The following ESRRG variants were observed in gnomAD, a reference collection of about 807,000 sequenced individuals.
The protein encoded by ESRRG is estrogen-related receptor gamma.
A neutral mutation model predicts 44.0 loss-of-function variants in ESRRG; 13 were observed. That is an observed-to-expected ratio of 0.30 (90% CI 0.19 to 0.47). The LOEUF (loss-of-function observed/expected upper bound fraction) is 0.47, where lower values mean the gene tolerates loss of function less well. Ranked by LOEUF, ESRRG falls within the 20% of genes least tolerant of loss-of-function variation. ESRRG has a pLI of 1.00. For missense variants in ESRRG, 395 were observed against 580.6 expected, an observed-to-expected ratio of 0.68 and a Z score of 3.29; for synonymous variants, 215 against 214.6, an observed-to-expected ratio of 1.00 and a Z score of -0.02.
intron 4 of ESRRG, among the ~76,000 whole-genome samples, chr1:216,567,474 G>T (rs1262223852): frequency 6.6e-6 from 1 of 152,102 alleles, no homozygotes; most frequent in Non-Finnish European, 1.5e-5. Flanking sequence ...GCCCATTCTT[G>T]TTTTAATCTA....
At chr1:217,036,057 G>C (rs2082834678) in intron 1 of ESRRG, among the ~76,000 whole-genome samples, 3 of 152,132 alleles carry the variant, frequency 2.0e-5, no homozygotes, top group African/African-American at 7.2e-5. Context: ...ATCATAGGAA[G>C]AAAAGCTCAA....
At chr1:217,052,609 T>G (rs939287381) in intron 1 of ESRRG, among the ~76,000 whole-genome samples, 11 of 152,300 alleles carry the variant, frequency 7.2e-5, no homozygotes, top group African/African-American at 2.6e-4. Context: ...CAAGAGTTCT[T>G]CAAAAGAACC....
intron 2 of ESRRG, among the ~76,000 whole-genome samples, chr1:216,759,855 G>A (rs2092673566): frequency 6.6e-6 from 1 of 152,086 alleles, no homozygotes; most frequent in African/African-American, 2.4e-5. Flanking sequence ...AAGGGATGAG[G>A]GGACAAGCAC....
chr1:216,903,140 T>C (rs1485873493), intron 2 of ESRRG, among the ~76,000 whole-genome samples: 2 of 152,206 alleles, frequency 1.3e-5, no homozygotes, highest in Non-Finnish European at 2.9e-5. Context: ...TGGAATCGTG[T>C]ACACTGTTAT....
At chr1:216,605,590 G>C (rs1409954786) in intron 3 of ESRRG, among the ~76,000 whole-genome samples, 1 of 152,114 alleles carries the variant, frequency 6.6e-6, no homozygotes, top group African/African-American at 2.4e-5. Context: ...GTCACCAATA[G>C]TAAGATGATT....
At chr1:217,059,476 A>G (rs1347337073) in intron 1 of ESRRG, among the ~76,000 whole-genome samples, 1 of 152,106 alleles carries the variant, frequency 6.6e-6, no homozygotes, top group African/African-American at 2.4e-5. Flanking sequence ...GAAACTGCTG[A>G]TTTCAGGTCT....
Position 216,671,610 on chromosome 1 carries a change from G to A in ESRRG, c.472+5466C>T, listed in dbSNP as rs570971589. Reference sequence around the variant, plus strand: ...TAACCCTCATCACTTGGGAAACAGAGGAAAAGAGGGGTTAAGGTCTCACAG... The same window carrying A: ...TAACCCTCATCACTTGGGAAACAGAAGAAAAGAGGGGTTAAGGTCTCACAG... On this transcript the variant is annotated intron_variant, in intron 2 of 6. Transcript: ENST00000408911. Among the ~76,000 whole-genome samples, 5 of 152,290 alleles carry A rather than the reference G, an allele frequency of 3.3e-5. No individual in the cohort carries two copies. The South Asian group carries it at 1.0e-3, about 32-fold the overall frequency.
chr1:216,619,933 C>T (rs1231973961), intron 3 of ESRRG, among the ~76,000 whole-genome samples: 2 of 152,106 alleles, frequency 1.3e-5, no homozygotes, highest in Admixed American at 1.3e-4. Flanking sequence ...AAGTAGGCAA[C>T]ACCGAGTCAA....
intron 1 of ESRRG, among the ~76,000 whole-genome samples, chr1:216,981,544 C>T (rs1369878384): frequency 6.6e-6 from 1 of 152,102 alleles, no homozygotes; most frequent in Non-Finnish European, 1.5e-5. Flanking sequence ...TAAATGTTAA[C>T]TTTTATTATT....
At chr1:216,974,121 A>G (rs1380557070) in intron 1 of ESRRG, among the ~76,000 whole-genome samples, 1 of 152,200 alleles carries the variant, frequency 6.6e-6, no homozygotes, top group Non-Finnish European at 1.5e-5. Context: ...TTTAAAGAAC[A>G]TAAGTAGGTA....
chr1:216,735,089 A>C lies in ESRRG; in HGVS notation c.-13-57598T>G, dbSNP rs182876030. On this transcript the variant is annotated intron_variant, in intron 2 of 7. Coordinates refer to the ESRRG transcript ENST00000359162. ...ACATCTGGCTAATTTTGGTATTTTT[A>C]GTAGAAATGGGTTTTCACCATCTTG... Among the ~76,000 whole-genome samples the C allele has an allele frequency of 8.5e-3, 1,282 of 151,636 alleles. 19 individuals are homozygous for C. Among genetic ancestry groups the C allele is most frequent in the African/African-American group, 0.026 (1,078 of 41,338 alleles).
chr1:217,095,179 A>G (rs925674039), intron 1 of ESRRG, among the ~76,000 whole-genome samples: 5 of 152,218 alleles, frequency 3.3e-5, no homozygotes, highest in African/African-American at 9.6e-5. Context: ...AGAATAACAC[A>G]TTCATTTAAG....
chr1:216,647,856 G>A (rs1452042262), intron 3 of ESRRG, among the ~76,000 whole-genome samples: 1 of 152,150 alleles, frequency 6.6e-6, no homozygotes, highest in Non-Finnish European at 1.5e-5. Context: ...CCTGTTAAAG[G>A]AGAGAAAGTT....
rs115625606 is a variant in ESRRG at position 216,968,280 on chromosome 1, T to C, written c.-105-28607A>G. The stretch of plus-strand genomic sequence containing the variant: ...TTTATTTCATGAATTGTACCTTTGG[T>C]GCTGTATCTAAAGAGTCATTGGCAT... On this transcript the variant is annotated intron_variant, in intron 1 of 7. Transcript: ENST00000359162. 6.1e-3 allele frequency among the ~76,000 whole-genome samples: 935 copies of C among 152,292 alleles called. 7 individuals carry two copies. Among genetic ancestry groups the C allele is most frequent in the African/African-American group, 0.021 (861 of 41,584 alleles).
At chr1:216,761,854 T>C (rs1224260783) in intron 2 of ESRRG, among the ~76,000 whole-genome samples, 2 of 152,114 alleles carry the variant, frequency 1.3e-5, no homozygotes, top group Non-Finnish European at 2.9e-5. Context: ...AGCTCTTCAA[T>C]CCATTCCCCA....
At chr1:217,065,126 A>G (rs1421032364) in intron 1 of ESRRG, among the ~76,000 whole-genome samples, 1 of 152,194 alleles carries the variant, frequency 6.6e-6, no homozygotes, top group Non-Finnish European at 1.5e-5. Context: ...ATAGCCTAGG[A>G]TATCCATTAA....
chr1:216,543,292 A>C (rs1376507085), intron 5 of ESRRG, among the ~76,000 whole-genome samples: 2 of 152,000 alleles, frequency 1.3e-5, no homozygotes, highest in Admixed American at 6.6e-5. Flanking sequence ...TTTTGTATTC[A>C]TCAGGTATTT....
intron 2 of ESRRG, among the ~76,000 whole-genome samples, chr1:216,802,619 G>A (rs944917221): frequency 1.3e-5 from 2 of 152,128 alleles, no homozygotes; most frequent in Non-Finnish European, 2.9e-5. Context: ...GCACTTCTGA[G>A]CATGGGGCCC....
intron 1 of ESRRG, among the ~76,000 whole-genome samples, chr1:217,113,552 C>A (rs1359428994): frequency 6.6e-6 from 1 of 152,146 alleles, no homozygotes; most frequent in Non-Finnish European, 1.5e-5. Flanking sequence ...AAATCCTGAA[C>A]CTTAAACCAA....
Sources: gnomAD v4.1 joint callset for allele counts (sites outside exome capture counted in the v4.1 genomes callset) on GRCh38, gnomAD v4.1.1 for gene constraint, MANE v1.5 for transcripts, NCBI Gene and HGNC (gene_info 2026-07-23, HGNC 2026-07-21) for gene names.